The following NMNAT3 variants were observed in gnomAD, a reference collection of about 807,000 sequenced individuals.
The protein encoded by NMNAT3 is nicotinamide/nicotinic acid mononucleotide adenylyltransferase 3.
In NMNAT3, 21 loss-of-function variants were observed where a neutral mutation model predicts 24.8. The observed-to-expected ratio is 0.85, with a 90% CI of 0.60 to 1.22. The LOEUF (loss-of-function observed/expected upper bound fraction) is 1.22, where lower values mean the gene tolerates loss of function less well. NMNAT3 is among the 50% of genes most tolerant of loss of function. The pLI, the probability that NMNAT3 is intolerant of heterozygous loss-of-function variation, is 0.00. For missense variants in NMNAT3, 387 were observed against 436.6 expected (o/e 0.89, Z 1.01); for synonymous variants, 136 against 155.2 (o/e 0.88, Z 0.92).
At chr3:139,576,739 A>C (rs1939364108) in intron 5 of NMNAT3, among the ~76,000 whole-genome samples, 1 of 152,132 alleles carries the variant, frequency 6.6e-6, no homozygotes, top group Non-Finnish European at 1.5e-5. Context: ...TGAGCAACAC[A>C]AGAATAAAGG....
intron 3 of NMNAT3, among the ~76,000 whole-genome samples, chr3:139,622,998 CTG>C (rs1162711748): frequency 6.0e-5 from 9 of 150,760 alleles, no homozygotes; most frequent in African/African-American, 1.2e-4. Context: ...TTTATAAACA[CTG>C]TTTATTTAAA....
chr3:139,577,117 C>T (rs1939430765), intron 5 of NMNAT3, among the ~76,000 whole-genome samples: 1 of 140,562 alleles, frequency 7.1e-6, no homozygotes, highest in Non-Finnish European at 1.6e-5. Context: ...TTTTTTGAGA[C>T]CCTATCTCAA....
chr3:139,610,387 A>C (rs1230864360), intron 3 of NMNAT3, among the ~76,000 whole-genome samples: 1 of 152,232 alleles, frequency 6.6e-6, no homozygotes, highest in Non-Finnish European at 1.5e-5. Flanking sequence ...AAAGCATTTT[A>C]AAAGAATTTG....
intron 1 of NMNAT3, among the ~76,000 whole-genome samples, chr3:139,658,886 TC>T (rs34391058): frequency 0.58 from 87,357 of 151,888 alleles, 25,606 homozygotes; most frequent in East Asian, 0.71. Context: ...ATAGAACATC[TC>T]CCTTACCCTG....
At chr3:139,643,518 G>A (rs1313335082) in intron 1 of NMNAT3, among the ~76,000 whole-genome samples, 1 of 152,138 alleles carries the variant, frequency 6.6e-6, no homozygotes, top group African/African-American at 2.4e-5. Context: ...CAAAATATAC[G>A]TTGCATGTAT....
intron 1 of NMNAT3, among the ~76,000 whole-genome samples, chr3:139,661,116 C>T (rs956200607): frequency 6.6e-6 from 1 of 152,156 alleles, no homozygotes. Context: ...GATCAGGTAT[C>T]ATAAAAGACT....
rs34725809 is a variant in NMNAT3 at position 139,620,200 on chromosome 3, CT to C, written c.109+7415del. On this transcript the variant is annotated intron_variant, in intron 3 of 6. Coordinates refer to ENST00000643695, the MANE Select transcript of NMNAT3 (RefSeq NM_001320510.2). ...TATAACTGAAGCAACCTTGTGGAGTCTTTTTTTTTTTTTTTTAAAGTTTGAT... is the reference window on the plus strand; with the variant it reads ...TATAACTGAAGCAACCTTGTGGAGTCTTTTTTTTTTTTTTTAAAGTTTGAT... Among the ~76,000 whole-genome samples, 536 of 126,640 alleles carry C rather than the reference CT, an allele frequency of 4.2e-3. 1 individual carries two copies. Among genetic ancestry groups the C allele is most frequent in the Middle Eastern group, 9.0e-3 (2 of 222 alleles). The allele number at this position is 126,640 out of a possible 152,430, so 83.1% of individuals were successfully genotyped here. A position where few individuals can be genotyped will look rare whatever the true frequency, so the allele number is the denominator to read the frequency against.
intron 3 of NMNAT3, among the ~76,000 whole-genome samples, chr3:139,608,771 G>C (rs758679789): frequency 6.6e-6 from 1 of 152,070 alleles, no homozygotes; most frequent in African/African-American, 2.4e-5. Flanking sequence ...GTAGTTCTGT[G>C]AAATTTCATC....
intron 3 of NMNAT3, among the ~76,000 whole-genome samples, chr3:139,594,738 A>G (rs1008718762): frequency 6.6e-6 from 1 of 152,256 alleles, no homozygotes; most frequent in African/African-American, 2.4e-5. Flanking sequence ...TAGATGCAGA[A>G]AAGGCCTTTG....
rs1371564256 is a variant in NMNAT3, at chr3:139,565,138, T to G, written c.659-3746A>C. 3.9e-5 allele frequency among the ~76,000 whole-genome samples: 6 copies of G among 152,306 alleles called. No homozygotes were observed. The East Asian group carries it at 1.2e-3, about 29-fold the overall frequency. On this transcript the variant is annotated intron_variant, in intron 6 of 6. Coordinates refer to ENST00000643695, the MANE Select transcript of NMNAT3 (RefSeq NM_001320510.2). ...CTTTATGCTATGTATACAGTATAATTTAGGTATACTTTCCTTTATATTTAA... is the reference window on the plus strand; with the variant it reads ...CTTTATGCTATGTATACAGTATAATGTAGGTATACTTTCCTTTATATTTAA...
At chr3:139,575,980 C>T (rs1315225320) in intron 5 of NMNAT3, 3 of 1,288,178 alleles carry the variant, frequency 2.3e-6, no homozygotes, top group African/African-American at 1.5e-5. Context: ...CCTCTCTGAG[C>T]CTCAGTTTCT....
intron 3 of NMNAT3, among the ~76,000 whole-genome samples, chr3:139,614,328 A>G (rs2055380300): frequency 2.0e-5 from 3 of 151,850 alleles, no homozygotes; most frequent in South Asian, 4.2e-4. Context: ...TCAAACCCTG[A>G]CTACTTCCCT....
chr3:139,607,969 A>C (rs2055020847), intron 3 of NMNAT3, among the ~76,000 whole-genome samples: 1 of 152,174 alleles, frequency 6.6e-6, no homozygotes, highest in African/African-American at 2.4e-5. Flanking sequence ...ACATCTATTC[A>C]ATTCACTTTA....
chr3:139,598,887 T>C (rs1417255390), intron 3 of NMNAT3, among the ~76,000 whole-genome samples: 3 of 152,096 alleles, frequency 2.0e-5, no homozygotes, highest in African/African-American at 7.2e-5. Context: ...ACAGTGAATT[T>C]TGGAGAGGTA....
intron 3 of NMNAT3, among the ~76,000 whole-genome samples, chr3:139,622,918 A>C (rs2108296530): frequency 6.8e-6 from 1 of 147,684 alleles, no homozygotes; most frequent in Admixed American, 6.8e-5. Flanking sequence ...CAGGACTGGA[A>C]GTTGCTCTGG....
At chr3:139,636,203 T>C (rs992671090) in intron 2 of NMNAT3, 1 of 152,216 alleles carries the variant, frequency 6.6e-6, no homozygotes, top group East Asian at 1.9e-4. Flanking sequence ...ATTTAATGAA[T>C]GTTTATTGGG....
At chr3:139,565,811 T>C (rs1215513112) in intron 6 of NMNAT3, 6 of 152,214 alleles carry the variant, frequency 3.9e-5, no homozygotes, top group African/African-American at 9.6e-5. Flanking sequence ...TGAATAGTGC[T>C]GCAATAAACA....
At chr3:139,599,471 A>G in intron 3 of NMNAT3, 1 of 697,340 alleles carries the variant, frequency 1.4e-6, no homozygotes, top group Non-Finnish European at 2.6e-6. Flanking sequence ...ACAAAAATCT[A>G]AGAGATCAGG....
At chr3:139,564,588 T>C (rs986267733) in intron 6 of NMNAT3, among the ~76,000 whole-genome samples, 1 of 152,204 alleles carries the variant, frequency 6.6e-6, no homozygotes, top group African/African-American at 2.4e-5. Flanking sequence ...CATATGACTC[T>C]GGGTGAGCCC....
Sources: allele counts gnomAD v4.1 joint callset (sites outside exome capture counted in the v4.1 genomes callset), GRCh38; gene constraint gnomAD v4.1.1; transcripts MANE v1.5; gene names NCBI Gene and HGNC (gene_info 2026-07-23, HGNC 2026-07-21).